The following MTUS2 variants were observed in gnomAD, a reference collection of about 807,000 sequenced individuals.
MTUS2 encodes microtubule-associated tumor suppressor candidate 2.
Under a neutral mutation model 114.1 loss-of-function variants are expected in MTUS2, and 40 were observed. That is an observed-to-expected ratio of 0.35 (90% CI 0.27 to 0.46). MTUS2 has a LOEUF of 0.46. Ranked by LOEUF, MTUS2 falls within the 20% of genes least tolerant of loss-of-function variation. The pLI, the probability that MTUS2 is intolerant of heterozygous loss-of-function variation, is 1.00. For missense variants in MTUS2, 1,679 were observed against 1,705.4 expected (o/e 0.98, Z 0.27); for synonymous variants, 688 against 672.0 (o/e 1.02, Z -0.37).
chr13:29,031,124 G>C (rs1021417182), intron 3 of MTUS2, among the ~76,000 whole-genome samples: 2 of 152,034 alleles, frequency 1.3e-5, no homozygotes, highest in South Asian at 2.1e-4. Flanking sequence ...GGCGATGTGC[G>C]TGCAGTGTAC....
intron 5 of MTUS2, among the ~76,000 whole-genome samples, chr13:29,216,076 C>T (rs774930053): frequency 1.3e-5 from 2 of 152,158 alleles, no homozygotes; most frequent in African/African-American, 2.4e-5. Context: ...GATGACCTGC[C>T]CAGTGAGGAG....
chr13:29,321,952 T>C (rs528198038), intron 6 of MTUS2, among the ~76,000 whole-genome samples: 1 of 152,330 alleles, frequency 6.6e-6, no homozygotes, highest in African/African-American at 2.4e-5. Context: ...TATAGAGCTA[T>C]GACATCCTTT....
intron 2 of MTUS2, among the ~76,000 whole-genome samples, chr13:28,956,177 A>T (rs1465117152): frequency 6.6e-6 from 1 of 150,846 alleles, no homozygotes; most frequent in Non-Finnish European, 1.5e-5. Flanking sequence ...TCCATTCCTG[A>T]GTTACTTCAC....
At chr13:29,314,865 T>G (rs1467647060) in intron 6 of MTUS2, among the ~76,000 whole-genome samples, 2 of 152,210 alleles carry the variant, frequency 1.3e-5, no homozygotes, top group Non-Finnish European at 2.9e-5. Flanking sequence ...TGTAGAGGTA[T>G]CTGGACTCTT....
chr13:29,140,071 T>C (rs1168422348), intron 5 of MTUS2, among the ~76,000 whole-genome samples: 1 of 152,222 alleles, frequency 6.6e-6, no homozygotes, highest in Non-Finnish European at 1.5e-5. Context: ...GAAACTGCGC[T>C]GAGGGCTGCT....
At chr13:28,956,183 T>C (rs1883054710) in intron 2 of MTUS2, among the ~76,000 whole-genome samples, 1 of 151,858 alleles carries the variant, frequency 6.6e-6, no homozygotes, top group Admixed American at 6.6e-5. Flanking sequence ...CCTGAGTTAC[T>C]TCACTTAGAA....
intron 5 of MTUS2, among the ~76,000 whole-genome samples, chr13:29,223,301 G>T (rs968509732): frequency 6.6e-6 from 1 of 152,148 alleles, no homozygotes; most frequent in African/African-American, 2.4e-5. Flanking sequence ...CCAGACTGGG[G>T]CAGGTGACAG....
intron 5 of MTUS2, among the ~76,000 whole-genome samples, chr13:29,207,361 A>T (rs1427798252): frequency 6.6e-6 from 1 of 152,178 alleles, no homozygotes; most frequent in South Asian, 2.1e-4. Context: ...CCATTATATC[A>T]TTGGTGAACA....
chr13:29,399,525 GA>G (rs1874167809), intron 8 of MTUS2, among the ~76,000 whole-genome samples: 1 of 152,116 alleles, frequency 6.6e-6, no homozygotes, highest in South Asian at 2.1e-4. Context: ...AGAAATTCAA[GA>G]ACTTGGAAAT....
chr13:28,952,105 C>T (rs1484995839), intron 2 of MTUS2, among the ~76,000 whole-genome samples: 1 of 152,064 alleles, frequency 6.6e-6, no homozygotes, highest in Non-Finnish European at 1.5e-5. Flanking sequence ...ACTGTTTCTC[C>T]TTTTCTAAAA....
chr13:29,224,191 C>G (rs4769697), intron 5 of MTUS2, among the ~76,000 whole-genome samples: 85,916 of 151,972 alleles, frequency 0.57, 24,487 homozygotes, highest in Admixed American at 0.57. Flanking sequence ...ATAAAGGTTT[C>G]TGGCCAGAAA....
chr13:28,844,035 A>G (rs1253536091), intron 2 of MTUS2, among the ~76,000 whole-genome samples: 1 of 152,272 alleles, frequency 6.6e-6, no homozygotes, highest in Non-Finnish European at 1.5e-5. Context: ...CAGGAATTAC[A>G]GAATAATTCA....
intron 2 of MTUS2, among the ~76,000 whole-genome samples, chr13:29,003,962 A>C (rs76100419): frequency 1.3e-3 from 197 of 152,294 alleles, no homozygotes; most frequent in African/African-American, 4.6e-3. Flanking sequence ...AAGAGCACCT[A>C]TTTAGCCAAC....
At chr13:28,835,453 C>A (rs1300502941) in intron 1 of MTUS2, among the ~76,000 whole-genome samples, 1 of 152,030 alleles carries the variant, frequency 6.6e-6, no homozygotes, top group Non-Finnish European at 1.5e-5. Flanking sequence ...TCAGAATAGG[C>A]AAATTCAAGT....
intron 7 of MTUS2, among the ~76,000 whole-genome samples, chr13:29,331,473 A>G (rs1427807465): frequency 1.3e-5 from 2 of 152,170 alleles, no homozygotes; most frequent in African/African-American, 2.4e-5. Context: ...TCCAAATTTC[A>G]TATGGAACCA....
intron 13 of MTUS2, 122 bp from the exon 14 acceptor site, chr13:29,498,296 G>T (rs1230329127): frequency 7.3e-6 from 10 of 1,368,194 alleles, no homozygotes; most frequent in Non-Finnish European, 1.0e-5. Context: ...TCTCTTTGGT[G>T]TTGCAGTTGC....
At chr13:29,021,582 A>C (rs960597986) in intron 2 of MTUS2, among the ~76,000 whole-genome samples, 1 of 152,186 alleles carries the variant, frequency 6.6e-6, no homozygotes, top group African/African-American at 2.4e-5. Flanking sequence ...TCTTGGCTGC[A>C]TATTTATACT....
At chr13:29,295,371 C>G (rs1020656189) in intron 6 of MTUS2, among the ~76,000 whole-genome samples, 2 of 152,120 alleles carry the variant, frequency 1.3e-5, no homozygotes, top group South Asian at 2.1e-4. Context: ...ACTTACTCCT[C>G]CTATCTGGAT....
rs200750373 is a variant in MTUS2, at chr13:29,389,697, GTA to G, written c.3117+30228_3117+30229del. 2.2e-5 allele frequency among the ~76,000 whole-genome samples: 3 copies of G among 138,722 alleles called. 1 individual carries two copies. Among genetic ancestry groups the G allele is most frequent in the African/African-American group, 8.2e-5 (3 of 36,566 alleles). The allele number at this position is 138,722 out of a possible 152,430, so 91.0% of individuals were successfully genotyped here. A position where few individuals can be genotyped will look rare whatever the true frequency, so the allele number is the denominator to read the frequency against. On this transcript the variant is annotated intron_variant, in intron 8 of 15. Coordinates refer to ENST00000612955, the MANE Select transcript of MTUS2 (RefSeq NM_001033602.4). ...TATACATATATGTATGTATATATGTGTATATGTGTATATGTATATATACATAC... is the reference window on the plus strand; with the variant it reads ...TATACATATATGTATGTATATATGTGTATGTGTATATGTATATATACATAC...
Sources: allele counts gnomAD v4.1 joint callset (sites outside exome capture counted in the v4.1 genomes callset), GRCh38; gene constraint gnomAD v4.1.1; transcripts MANE v1.5; gene names NCBI Gene and HGNC (gene_info 2026-07-23, HGNC 2026-07-21).